Variants in BPTF observed in about 807,000 individuals in gnomAD.
The protein encoded by BPTF is nucleosome-remodeling factor subunit BPTF.
A neutral mutation model predicts 292.5 loss-of-function variants in BPTF; 18 were observed. The ratio of observed to expected loss-of-function variants is 0.06; its 90% CI spans 0.04 to 0.09. BPTF has a LOEUF of 0.09. BPTF is among the 10% of genes least tolerant of loss of function. BPTF has a pLI of 1.00. For synonymous variants in BPTF, 1,225 were observed against 1,251.9 expected, an observed-to-expected ratio of 0.98 and a Z score of 0.45; for missense variants, 2,726 against 3,498.7, an observed-to-expected ratio of 0.78 and a Z score of 5.57.
chr17:67,912,953 T>C lies in BPTF; in HGVS notation c.5069T>C (p.Leu1690Pro). The change falls in exon 11 of 28, where the codon CTG becomes CCG. Residue 1690 changes from leucine to proline, a missense_variant. This residue lies in a region of BPTF where 144 missense variants were observed against 177.2 expected (regional missense o/e 0.81). Coordinates refer to ENST00000306378, the MANE Select transcript of BPTF (RefSeq NM_182641.4). ...TATTCCACACGAGACAAAGTGAAAC[T>C]GATGAAATTTTCAAGACCAAAGAAG... The part of the protein sequence containing the change: ...KEYSTRDKVK[L>P]MKFSRPKKTR... The C allele has an allele frequency of 6.2e-7, 1 of 1,614,136 alleles. No individual in the cohort carries two copies. The highest frequency in any genetic ancestry group is 8.5e-7 in the Non-Finnish European group (1 of 1,180,008).
intron 3 of BPTF, among the ~76,000 whole-genome samples, chr17:67,870,762 A>ATT (rs1324444451): frequency 2.5e-5 from 2 of 80,212 alleles, no homozygotes; most frequent in African/African-American, 1.0e-4. Context: ...AAAATGCTTC[A>ATT]TTTCTTTTTT....
At chr17:67,927,370 A>T (rs1217747465) in intron 15 of BPTF, among the ~76,000 whole-genome samples, 2 of 152,232 alleles carry the variant, frequency 1.3e-5, no homozygotes, top group Non-Finnish European at 2.9e-5. Context: ...AATCTATAAT[A>T]AAAGATATAC....
intron 11 of BPTF, among the ~76,000 whole-genome samples, chr17:67,916,404 A>C (rs753373945): frequency 2.0e-5 from 3 of 152,106 alleles, no homozygotes; most frequent in Non-Finnish European, 4.4e-5. Flanking sequence ...AGCCTGGCCA[A>C]AGTGGTGAAA....
intron 3 of BPTF, among the ~76,000 whole-genome samples, chr17:67,868,278 A>G (rs555999182): frequency 5.8e-4 from 89 of 152,262 alleles, no homozygotes; most frequent in African/African-American, 2.0e-3. Context: ...TCCAGAGGCA[A>G]TCATTATTGC....
At chr17:67,967,864 G>A (rs2068302908) in intron 26 of BPTF, among the ~76,000 whole-genome samples, 1 of 151,134 alleles carries the variant, frequency 6.6e-6, no homozygotes, top group Non-Finnish European at 1.5e-5. Context: ...ATCAATAGAG[G>A]AGTAGCTATA....
chr17:67,942,469 A>G (rs1019313891), intron 19 of BPTF, among the ~76,000 whole-genome samples: 1 of 152,248 alleles, frequency 6.6e-6, no homozygotes, highest in Admixed American at 6.5e-5. Context: ...TAAATGTCCA[A>G]CAAAACCAAG....
intron 11 of BPTF, among the ~76,000 whole-genome samples, chr17:67,917,350 C>G (rs1195166646): frequency 6.6e-6 from 1 of 151,858 alleles, no homozygotes; most frequent in Non-Finnish European, 1.5e-5. Context: ...GTCTCAAACT[C>G]CTGACCTCGT....
chr17:67,918,778 A>G lies in BPTF; in HGVS notation c.5368A>G (p.Ser1790Gly). 1 of 1,613,870 alleles carries G rather than the reference A, an allele frequency of 6.2e-7. No homozygotes were observed. Among genetic ancestry groups the G allele is most frequent in the Non-Finnish European group, 8.5e-7 (1 of 1,179,848 alleles). ...CCTGATGTTACGGTTACTGTGGGCA[A>G]GTTTGAGATGGGATGATATGGCGGC... ...VSLMLRLLWA[S>G]LRWDDMAAKA... Residue 1790 changes from serine (S) to glycine (G), a missense_variant, in exon 12 of 28, where the codon AGT (serine) becomes GGT (glycine). Around this residue, in one of 22 missense-constraint regions of BPTF, gnomAD observed 6 missense variants for 28.2 expected, o/e 0.21. Coordinates refer to ENST00000306378, the MANE Select transcript of BPTF (RefSeq NM_182641.4).
chr17:67,880,045 G>A (rs1384139785), intron 4 of BPTF, among the ~76,000 whole-genome samples: 2 of 151,796 alleles, frequency 1.3e-5, no homozygotes, highest in Non-Finnish European at 2.9e-5. Context: ...TTCTTTAATC[G>A]CCTTTTTTTA....
chr17:67,839,298 A>G (rs2057375784), intron 1 of BPTF, among the ~76,000 whole-genome samples: 1 of 152,082 alleles, frequency 6.6e-6, no homozygotes, highest in South Asian at 2.1e-4. Context: ...TGTTGAATGT[A>G]TTCACCTGGT....
At chr17:67,836,815 A>T (rs1025389819) in intron 1 of BPTF, among the ~76,000 whole-genome samples, 1 of 152,198 alleles carries the variant, frequency 6.6e-6, no homozygotes, top group Non-Finnish European at 1.5e-5. Flanking sequence ...TCTCCACCTT[A>T]TGACTGTACT....
intron 12 of BPTF, among the ~76,000 whole-genome samples, chr17:67,919,374 A>G (rs2063286838): frequency 6.6e-6 from 1 of 151,814 alleles, no homozygotes; most frequent in Admixed American, 6.6e-5. Context: ...TGTCTCTTCA[A>G]AACTCTAATT....
intron 1 of BPTF, among the ~76,000 whole-genome samples, chr17:67,832,866 C>A (rs912804173): frequency 7.5e-5 from 11 of 147,434 alleles, no homozygotes; most frequent in Non-Finnish European, 1.5e-4. Context: ...CAGCTCACTG[C>A]AACCTCCACC....
intron 11 of BPTF, among the ~76,000 whole-genome samples, chr17:67,918,499 A>T (rs1322562827): frequency 2.6e-5 from 4 of 150,950 alleles, no homozygotes; most frequent in African/African-American, 7.3e-5. Context: ...AGCCCCTTTT[A>T]AAAAAAAATG....
At chr17:67,870,720 G>A (rs576969879) in intron 3 of BPTF, among the ~76,000 whole-genome samples, 52 of 144,084 alleles carry the variant, frequency 3.6e-4, no homozygotes, top group Non-Finnish European at 6.7e-4. Context: ...TAGCCTGTCT[G>A]ATGACTTTGA....
intron 4 of BPTF, among the ~76,000 whole-genome samples, chr17:67,878,161 G>A (rs2060162710): frequency 1.3e-5 from 2 of 152,114 alleles, no homozygotes; most frequent in South Asian, 4.1e-4. Context: ...ACTCTTTGAT[G>A]CCTGATAGCT....
intron 26 of BPTF, among the ~76,000 whole-genome samples, chr17:67,972,243 T>A (rs1457996156): frequency 6.6e-6 from 1 of 151,780 alleles, no homozygotes; most frequent in African/African-American, 2.4e-5. Context: ...TTTTATTATT[T>A]TATTTTTTTT....
chr17:67,943,203 C>T (rs1353062353), intron 19 of BPTF, among the ~76,000 whole-genome samples: 5 of 152,056 alleles, frequency 3.3e-5, no homozygotes, highest in African/African-American at 1.2e-4. Flanking sequence ...TAGATGTTTA[C>T]TTTATAATTT....
chr17:67,859,302 T>C (rs1347565794), intron 2 of BPTF, among the ~76,000 whole-genome samples: 1 of 152,244 alleles, frequency 6.6e-6, no homozygotes, highest in Non-Finnish European at 1.5e-5. Flanking sequence ...TGTGCCACCG[T>C]GCCCAGCTAA....
Sources: allele counts gnomAD v4.1 joint callset (sites outside exome capture counted in the v4.1 genomes callset), GRCh38; gene constraint gnomAD v4.1.1; regional missense constraint gnomAD v4.1.1; transcripts MANE v1.5; gene names NCBI Gene and HGNC (gene_info 2026-07-23, HGNC 2026-07-21).